The following HERC1 variants were observed in gnomAD, a reference collection of about 807,000 sequenced individuals.
HERC1 encodes the protein probable E3 ubiquitin-protein ligase HERC1.
A neutral mutation model predicts 554.3 loss-of-function variants in HERC1; 160 were observed. The observed-to-expected ratio is 0.29, with a 90% CI of 0.25 to 0.33. The LOEUF (loss-of-function observed/expected upper bound fraction) is 0.33, where lower values mean the gene tolerates loss of function less well. Among genes scored for constraint, HERC1 ranks in the 10% least tolerant of loss-of-function variants. HERC1 has a pLI of 1.00. For synonymous variants in HERC1, 2,175 were observed against 2,131.7 expected (o/e 1.02, Z -0.56); for missense variants, 4,919 against 5,918.5 (o/e 0.83, Z 5.54).
At chr15:63,681,920 A>C (rs1435926017) in intron 34 of HERC1, among the ~76,000 whole-genome samples, 1 of 152,162 alleles carries the variant, frequency 6.6e-6, no homozygotes, top group African/African-American at 2.4e-5. Context: ...CTGGGTGTAT[A>C]TCCTTACCGC....
At chr15:63,624,407 A>G (rs981238566) in intron 71 of HERC1, 80 bp from the exon 72 acceptor site, 32 of 1,362,280 alleles carry the variant, frequency 2.3e-5, no homozygotes, top group Middle Eastern at 1.9e-4. Context: ...TAGAACATAC[A>G]TTATTTTGGC....
intron 1 of HERC1, among the ~76,000 whole-genome samples, chr15:63,782,093 G>C (rs1207152569): frequency 6.6e-6 from 1 of 152,240 alleles, no homozygotes; most frequent in Non-Finnish European, 1.5e-5. Context: ...GAAGCAGCAA[G>C]TGCTGATGTA....
rs371273063 is a variant in HERC1 at position 63,718,672 on chromosome 15, A to G, written c.3880T>C (p.Ser1294Pro). The G allele has an allele frequency of 8.7e-6, 14 of 1,603,106 alleles. No individual in the cohort carries two copies. In the Admixed American group the frequency reaches 1.2e-4, roughly 14 times the overall value. ...TTGTATACACAACGGTACACTTCTG[A>G]TAAGTGTTTACCAGGTTGATATCTA... Reference protein sequence around the residue: ...ESRYQPGKHLSEVYRCVYKVR... With the variant: ...ESRYQPGKHLPEVYRCVYKVR... Residue 1294 changes from serine to proline, a missense_variant, in exon 21 of 78, where the codon TCA becomes CCA. Ser to Pro is a moderately conservative substitution (Grantham distance 74, BLOSUM62 -1). Around this residue, in one of 11 missense-constraint regions of HERC1, gnomAD observed 1,121 missense variants for 1,244.0 expected, o/e 0.90. Transcript: ENST00000443617. The surrounding 1 kb of genome is among the most constrained non-coding windows in gnomAD (Gnocchi z 4.2).
At chr15:63,829,499 TACACAC>T (rs59580148) in intron 1 of HERC1, among the ~76,000 whole-genome samples, 1 of 53,370 alleles carries the variant, frequency 1.9e-5, no homozygotes, top group South Asian at 5.4e-4. Context: ...TATATATATA[TACACAC>T]ACACACATAT....
At chr15:63,720,895 A>G (rs2073790538) in intron 19 of HERC1, among the ~76,000 whole-genome samples, 1 of 152,238 alleles carries the variant, frequency 6.6e-6, no homozygotes, top group Non-Finnish European at 1.5e-5. Context: ...GTTCCTTTAA[A>G]ACACCTTCAT....
intron 43 of HERC1, 146 bp downstream of exon 43, chr15:63,664,324 T>A: frequency 6.1e-6 from 4 of 659,794 alleles, no homozygotes; most frequent in Non-Finnish European, 9.9e-6. Context: ...TGTAAATGCA[T>A]AGAAAATGAT....
rs145661748 is a variant in HERC1 at position 63,732,085 on chromosome 15, T to C, written c.2868+839A>G. ...GGTGCGACCTCAGCTCACTTCAGCC[T>C]CTGCTCCCTGGTTCAAGCAACTCTC... On this transcript the variant is annotated intron_variant, in intron 14 of 77. Transcript: ENST00000443617. 3.1e-3 allele frequency among the ~76,000 whole-genome samples: 467 copies of C among 152,216 alleles called. 5 individuals are homozygous for C. Among genetic ancestry groups the C allele is most frequent in the African/African-American group, 0.011 (452 of 41,536 alleles).
At chr15:63,621,372 C>T in intron 74 of HERC1, among the ~76,000 whole-genome samples, 1 of 152,222 alleles carries the variant, frequency 6.6e-6, no homozygotes, top group Admixed American at 6.5e-5. Context: ...TGCTGTTAGT[C>T]TGATGTGCTT....
At chr15:63,638,873 C>T (rs1359803609) in intron 61 of HERC1, 97 bp from the exon 62 acceptor site, 10 of 832,628 alleles carry the variant, frequency 1.2e-5, no homozygotes, top group Admixed American at 2.1e-5. Flanking sequence ...GTCTTATTTC[C>T]AAAAAAGAAT....
At position 63,672,836 on chromosome 15, in the gene HERC1, GA is replaced by G. The variant is rs553272963; in HGVS notation, c.7847-143del. 422 of 629,574 alleles carry G rather than the reference GA, an allele frequency of 6.7e-4. 1 individual carries two copies. The highest frequency in any genetic ancestry group is 5.9e-3 in the African/African-American group (322 of 54,386). 39.0% of individuals were successfully genotyped at this position (629,574 alleles called of 1,614,324 possible). A position where few individuals can be genotyped will look rare whatever the true frequency, so the allele number is the denominator to read the frequency against. The stretch of plus-strand genomic sequence containing the variant: ...CATCAATTTCTATGAAAGATTGACA[GA>G]AAAAAATATTCTTACTTATATACAT... On this transcript the variant is annotated intron_variant, in intron 38 of 77. Transcript: ENST00000443617.
At chr15:63,737,514 CAGATATAT>C (rs1321692619) in intron 12 of HERC1, among the ~76,000 whole-genome samples, 1 of 13,898 alleles carries the variant, frequency 7.2e-5, no homozygotes, top group Admixed American at 6.2e-4. Context: ...ATCTTTTTTC[CAGATATAT>C]ATATATATAT....
chr15:63,690,056 T>C (rs191310273), intron 32 of HERC1, among the ~76,000 whole-genome samples: 1 of 150,228 alleles, frequency 6.7e-6, no homozygotes, highest in East Asian at 2.0e-4. Context: ...CCCAGCTACT[T>C]GGAGGCTAAG....
chr15:63,771,075 G>A (rs567332082), intron 2 of HERC1, among the ~76,000 whole-genome samples: 6 of 152,130 alleles, frequency 3.9e-5, no homozygotes, highest in African/African-American at 1.2e-4. Context: ...TGTAAACCCA[G>A]CTACTGGGGA....
At chr15:63,766,438 C>A (rs2075780030) in intron 2 of HERC1, among the ~76,000 whole-genome samples, 1 of 151,960 alleles carries the variant, frequency 6.6e-6, no homozygotes, top group South Asian at 2.1e-4. Flanking sequence ...AAATACAAAA[C>A]TTCTCAAGGT....
intron 43 of HERC1, among the ~76,000 whole-genome samples, chr15:63,663,595 C>T (rs1403587943): frequency 2.0e-5 from 3 of 152,192 alleles, no homozygotes; most frequent in Non-Finnish European, 4.4e-5. Flanking sequence ...GCTAGGACTA[C>T]AGGCACATGC....
At chr15:63,705,367 C>T (rs1375031473) in intron 25 of HERC1, among the ~76,000 whole-genome samples, 12 of 151,822 alleles carry the variant, frequency 7.9e-5, no homozygotes, top group African/African-American at 1.5e-4. Flanking sequence ...GTTGCCCAGA[C>T]TAGCCTTCCG....
intron 1 of HERC1, among the ~76,000 whole-genome samples, chr15:63,833,542 T>C (rs2078230835): frequency 6.6e-6 from 1 of 151,606 alleles, no homozygotes; most frequent in Admixed American, 6.6e-5. Context: ...CTCTCGGCCC[T>C]CTCCGCGGGC....
chr15:63,762,032 A>C (rs1439075638), intron 3 of HERC1, among the ~76,000 whole-genome samples: 3 of 152,216 alleles, frequency 2.0e-5, no homozygotes, highest in Non-Finnish European at 2.9e-5. Flanking sequence ...TAGCACCCTG[A>C]TTGTGGTCTT....
rs991827141 is a variant in HERC1 at position 63,633,942 on chromosome 15, G to A, written c.12599C>T (p.Ala4200Val). ...QVACGLNHTLAVSADGSMVWA... is the reference protein window; with the variant it reads ...QVACGLNHTLVVSADGSMVWA... ...CACCATGGAACCATCTGCTGACACT[G>A]CCAAAGTGTGGTTTAATCCACAGGC... is the stretch of plus-strand genomic sequence containing the variant. The change falls in exon 67 of 78, where the codon GCA (alanine) becomes GTA (valine). Residue 4200 changes from alanine (A) to valine (V), a missense_variant. This residue lies in a region of HERC1 where 410 missense variants were observed against 467.0 expected (regional missense o/e 0.88). Transcript: ENST00000443617. 1.2e-6 allele frequency: 2 copies of A among 1,613,698 alleles called. No individual in the cohort carries two copies. Among genetic ancestry groups the A allele is most frequent in the Admixed American group, 1.7e-5 (1 of 59,984 alleles).
Sources: gnomAD v4.1 joint callset for allele counts (sites outside exome capture counted in the v4.1 genomes callset) on GRCh38, gnomAD v4.1.1 for gene constraint, gnomAD v4.1.1 regional missense constraint, Gnocchi (gnomAD v3.1) non-coding constraint, MANE v1.5 for transcripts, NCBI Gene and HGNC (gene_info 2026-07-23, HGNC 2026-07-21) for gene names.